ROBO2: variants seen among roughly 807,000 people sequenced by gnomAD.
ROBO2 encodes the protein roundabout homolog 2.
ROBO2 carries 53 observed loss-of-function variants against 160.8 expected under a neutral mutation model. The ratio of observed to expected loss-of-function variants is 0.33; its 90% CI spans 0.26 to 0.41. The LOEUF (loss-of-function observed/expected upper bound fraction) is 0.41, where lower values mean the gene tolerates loss of function less well. Ranked by LOEUF, ROBO2 falls within the 10% of genes least tolerant of loss-of-function variation. The pLI, the probability that ROBO2 is intolerant of heterozygous loss-of-function variation, is 1.00. For missense variants in ROBO2, 1,577 were observed against 1,722.4 expected (o/e 0.92, Z 1.49); for synonymous variants, 664 against 611.7 (o/e 1.09, Z -1.26).
At chr3:76,316,284 G>A (rs1014273814) in intron 2 of ROBO2, among the ~76,000 whole-genome samples, 7 of 152,062 alleles carry the variant, frequency 4.6e-5, no homozygotes, top group South Asian at 4.1e-4. Flanking sequence ...TATCTCAACC[G>A]CATAAGACAG....
intron 2 of ROBO2, among the ~76,000 whole-genome samples, chr3:77,318,244 G>A (rs1053148973): frequency 7.2e-5 from 11 of 151,942 alleles, no homozygotes; most frequent in African/African-American, 1.9e-4. Flanking sequence ...ATGTTGGCCC[G>A]GCTGGTCTTG....
intron 2 of ROBO2, among the ~76,000 whole-genome samples, chr3:77,323,348 A>G (rs564051266): frequency 4.0e-5 from 6 of 151,898 alleles, no homozygotes; most frequent in African/African-American, 7.2e-5. Context: ...TGCTCTCCTG[A>G]GTTGAGACTT....
intron 2 of ROBO2, among the ~76,000 whole-genome samples, chr3:76,297,008 G>A (rs1384175606): frequency 3.9e-5 from 6 of 152,176 alleles, no homozygotes; most frequent in Non-Finnish European, 8.8e-5. Context: ...GAGGAGATAT[G>A]AGGCATGAAG....
chr3:77,068,536 T>C (rs973722391), intron 1 of ROBO2, among the ~76,000 whole-genome samples: 4 of 152,074 alleles, frequency 2.6e-5, no homozygotes, highest in South Asian at 2.1e-4. Flanking sequence ...CTAACTCTTA[T>C]CTCTCACTAA....
chr3:77,421,522 G>A (rs1025324915), intron 2 of ROBO2, among the ~76,000 whole-genome samples: 4 of 152,004 alleles, frequency 2.6e-5, no homozygotes, highest in East Asian at 1.9e-4. Flanking sequence ...CTCATATAAC[G>A]CCATAGAAAT....
intron 2 of ROBO2, among the ~76,000 whole-genome samples, chr3:77,216,934 A>G (rs919336697): frequency 6.6e-6 from 1 of 152,164 alleles, no homozygotes; most frequent in African/African-American, 2.4e-5. Context: ...CAGGGCATAA[A>G]GCCACTTTTA....
Position 77,519,813 on chromosome 3 carries a change from G to A in ROBO2, c.807-2962G>A, listed in dbSNP as rs561187883. Among the ~76,000 whole-genome samples the A allele has an allele frequency of 2.8e-4, 43 of 151,456 alleles. 1 individual carries two copies. Among genetic ancestry groups the A allele is most frequent in the African/African-American group, 9.9e-4 (41 of 41,450 alleles). On this transcript the variant is annotated intron_variant, in intron 5 of 25. Transcript: ENST00000461745. ...ATATACACGGTAATTGGATTGCTGG[G>A]TCAAATGGTAGTTCTGTTTTAAGTT...
At chr3:76,197,041 C>A (rs921606004) in intron 2 of ROBO2, among the ~76,000 whole-genome samples, 1 of 152,200 alleles carries the variant, frequency 6.6e-6, no homozygotes, top group Non-Finnish European at 1.5e-5. Context: ...AGTTAAGTCG[C>A]TGGTTATACT....
chr3:76,451,860 G>C (rs2077491239), intron 2 of ROBO2, among the ~76,000 whole-genome samples: 1 of 152,094 alleles, frequency 6.6e-6, no homozygotes, highest in Non-Finnish European at 1.5e-5. Context: ...GCTCCTCTTG[G>C]CTGCAAGAAG....
chr3:77,614,182 T>C (rs2094714247), intron 21 of ROBO2, among the ~76,000 whole-genome samples: 1 of 152,184 alleles, frequency 6.6e-6, no homozygotes, highest in Non-Finnish European at 1.5e-5. Context: ...TAGATGAATT[T>C]GTAAGTGGTG....
intron 2 of ROBO2, among the ~76,000 whole-genome samples, chr3:76,132,396 G>GA (rs368493115): frequency 2.6e-4 from 24 of 91,790 alleles, no homozygotes; most frequent in South Asian, 1.7e-3. Flanking sequence ...CAGACTGTTG[G>GA]GGGGGGGGGG....
chr3:77,064,982 A>G (rs1427578162), intron 1 of ROBO2, among the ~76,000 whole-genome samples: 1 of 152,200 alleles, frequency 6.6e-6, no homozygotes, highest in Non-Finnish European at 1.5e-5. Flanking sequence ...TCAGAATTGC[A>G]TGACTTCCCA....
In ROBO2 at chr3:76,738,299, A is replaced by G. The variant is rs114339896; in HGVS notation, c.110-359715A>G. Among the ~76,000 whole-genome samples, 1,293 of 152,302 alleles carry G rather than the reference A, an allele frequency of 8.5e-3. 12 individuals are homozygous for G. The highest frequency in any genetic ancestry group is 0.03 in the African/African-American group (1,230 of 41,560). On this transcript the variant is annotated intron_variant, in intron 2 of 26. Coordinates refer to the ROBO2 transcript ENST00000487694. ...TATGTTTTGGGGGAGCCACATAGAC[A>G]ATAAATAGGTATTTAAAACAGTGGA...
chr3:76,150,379 GCACACCTTTTTAAAA>G, intron 2 of ROBO2, among the ~76,000 whole-genome samples: 1 of 108,564 alleles, frequency 9.2e-6, no homozygotes, highest in Non-Finnish European at 1.9e-5. Context: ...TCTGTCTAAA[GCACACCTTTTTAAAA>G]CACACATCTG....
chr3:77,500,338 C>T (rs1454785744), intron 5 of ROBO2, among the ~76,000 whole-genome samples: 1 of 151,994 alleles, frequency 6.6e-6, no homozygotes, highest in Non-Finnish European at 1.5e-5. Context: ...TTTTTAAGGC[C>T]ACATATTAAT....
intron 2 of ROBO2, among the ~76,000 whole-genome samples, chr3:77,167,546 C>A (rs2079208042): frequency 6.6e-6 from 1 of 152,094 alleles, no homozygotes; most frequent in African/African-American, 2.4e-5. Flanking sequence ...ACTGGGGTGG[C>A]AGTTAAACCC....
intron 2 of ROBO2, among the ~76,000 whole-genome samples, chr3:76,170,141 T>A (rs563336678): frequency 6.6e-6 from 1 of 152,094 alleles, no homozygotes; most frequent in African/African-American, 2.4e-5. Context: ...TCTTCAGTCA[T>A]TTTAAAGATA....
chr3:77,560,313 G>T (rs1449608663), intron 9 of ROBO2, among the ~76,000 whole-genome samples: 1 of 151,982 alleles, frequency 6.6e-6, no homozygotes, highest in African/African-American at 2.4e-5. Flanking sequence ...AGGGTAAAAG[G>T]ACAAGCATGG....
At chr3:76,223,286 A>G (rs1009470197) in intron 2 of ROBO2, among the ~76,000 whole-genome samples, 2 of 151,884 alleles carry the variant, frequency 1.3e-5, no homozygotes, top group African/African-American at 2.4e-5. Flanking sequence ...TTATATTCCA[A>G]CTGCCTCAGG....
Sources: gnomAD v4.1 joint callset for allele counts (sites outside exome capture counted in the v4.1 genomes callset) on GRCh38, gnomAD v4.1.1 for gene constraint, MANE v1.5 for transcripts, NCBI Gene and HGNC (gene_info 2026-07-23, HGNC 2026-07-21) for gene names.